Variants in HIVEP1 observed in about 807,000 individuals in gnomAD.
The protein encoded by HIVEP1 is zinc finger protein 40.
Under a neutral mutation model 180.0 loss-of-function variants are expected in HIVEP1, and 36 were observed. The observed-to-expected ratio is 0.20, with a 90% CI of 0.15 to 0.26. HIVEP1 has a LOEUF of 0.26. HIVEP1 is among the 10% of genes least tolerant of loss of function. The probability of loss-of-function intolerance (pLI) is 1.00; values close to 1 mark genes in which losing one functional copy is unlikely to be tolerated. For synonymous variants in HIVEP1, 1,239 were observed against 1,239.0 expected (o/e 1.00, Z 0.00); for missense variants, 3,143 against 3,268.7 (o/e 0.96, Z 0.94).
intron 2 of HIVEP1, among the ~76,000 whole-genome samples, chr6:12,055,193 C>T (rs1770779325): frequency 6.6e-6 from 1 of 152,156 alleles, no homozygotes; most frequent in Admixed American, 6.5e-5. Flanking sequence ...CAGTTAAAAT[C>T]ATGATTTTCA....
At position 12,124,590 on chromosome 6, in the gene HIVEP1, G is replaced by C; in HGVS notation, c.4795G>C (p.Ala1599Pro). The C allele has an allele frequency of 6.2e-7, 1 of 1,614,080 alleles. No homozygotes were observed. ...PVGTDHCVTS[A>P]TLPTKLIDSM... ...TGGAACAGATCATTGTGTGACATCA[G>C]CAACATTACCAACCAAATTAATTGA... The change falls in exon 4 of 9, where the codon GCA becomes CCA. Residue 1599 changes from alanine (A) to proline (P), a missense_variant. Physicochemically the swap from Ala to Pro is conservative, Grantham distance 27 (BLOSUM62 -1). This residue lies in a region of HIVEP1 where 1,357 missense variants were observed against 1,260.5 expected (regional missense o/e 1.08). Coordinates refer to ENST00000379388, the MANE Select transcript of HIVEP1 (RefSeq NM_002114.4).
At chr6:12,168,327 T>A (rs1353523397), downstream of HIVEP1, among the ~76,000 whole-genome samples, 39 of 31,560 alleles carry the variant, frequency 1.2e-3, no homozygotes, top group South Asian at 3.9e-3. Flanking sequence ...TACATATATA[T>A]TATATAATTA....
At chr6:12,048,064 C>G (rs1267403982) in intron 2 of HIVEP1, among the ~76,000 whole-genome samples, 1 of 152,220 alleles carries the variant, frequency 6.6e-6, no homozygotes, top group Non-Finnish European at 1.5e-5. Flanking sequence ...CTGGACTCTT[C>G]TGTTTTTCAC....
chr6:12,191,187 G>A, the HIVEP1 span, among the ~76,000 whole-genome samples: 2 of 152,166 alleles, frequency 1.3e-5, no homozygotes, highest in East Asian at 3.8e-4. Flanking sequence ...AGTAAACTAA[G>A]AGGTAAGCTA....
rs868438390 is a variant in HIVEP1 at position 12,161,789 on chromosome 6, C to T, written c.6838C>T (p.Arg2280Cys). ...KTLSPGKARQ[R>C]AARDENDTIP... ...ACTCTCTCCGGGGAAGGCCAGGCAG[C>T]GTGCTGCGAGAGATGAAAACGACAC... is the stretch of plus-strand genomic sequence containing the variant. The change falls in exon 8 of 9, where the codon CGT becomes TGT. Residue 2280 changes from arginine to cysteine, a missense_variant. This residue lies in a region of HIVEP1 where 595 missense variants were observed against 602.2 expected (regional missense o/e 0.99). Coordinates refer to ENST00000379388, the MANE Select transcript of HIVEP1 (RefSeq NM_002114.4). 5.0e-6 allele frequency: 8 copies of T among 1,614,034 alleles called. 1 individual carries two copies. The Admixed American group carries it at 5.0e-5, about 10-fold the overall frequency.
At chr6:12,149,876 C>G (rs1759597941) in intron 7 of HIVEP1, among the ~76,000 whole-genome samples, 1 of 152,050 alleles carries the variant, frequency 6.6e-6, no homozygotes, top group Admixed American at 6.6e-5. Context: ...GGCCACAGAC[C>G]CCTTCTGAAT....
chr6:12,014,080 A>T (rs542734210), intron 1 of HIVEP1, among the ~76,000 whole-genome samples: 30 of 152,048 alleles, frequency 2.0e-4, no homozygotes, highest in Admixed American at 2.0e-4. Context: ...TACAATGTTT[A>T]GTTTAGTCCT....
chr6:12,108,729 T>C (rs1219648220), intron 3 of HIVEP1, among the ~76,000 whole-genome samples: 13 of 152,260 alleles, frequency 8.5e-5, no homozygotes, highest in South Asian at 4.1e-4. Context: ...CCAGCTGGCC[T>C]GCAAGCGCCG....
intron 3 of HIVEP1, among the ~76,000 whole-genome samples, chr6:12,114,648 A>G (rs1490830036): frequency 6.6e-6 from 1 of 152,370 alleles, no homozygotes; most frequent in Non-Finnish European, 1.5e-5. Flanking sequence ...TTAATGTATC[A>G]TAATTTTCAT....
intron 2 of HIVEP1, among the ~76,000 whole-genome samples, chr6:12,060,154 C>G (rs1771133516): frequency 6.6e-6 from 1 of 152,148 alleles, no homozygotes; most frequent in Non-Finnish European, 1.5e-5. Context: ...TAACCACTTA[C>G]AGAATTTGAT....
rs375927274 is a variant in HIVEP1 at position 12,122,268 on chromosome 6, C to A, written c.2473C>A (p.Leu825Ile). 25 of 1,614,084 alleles carry A rather than the reference C, an allele frequency of 1.5e-5. No individual in the cohort carries two copies. The highest frequency in any genetic ancestry group is 2.0e-5 in the Non-Finnish European group (24 of 1,180,008). The change falls in exon 4 of 9, where the codon CTT becomes ATT. Residue 825 changes from leucine (L) to isoleucine (I), a missense_variant. Around this residue, in one of 12 missense-constraint regions of HIVEP1, gnomAD observed 204 missense variants for 243.7 expected, o/e 0.84. Transcript: ENST00000379388. ...TPTEKSKQVF[L>I]LSVPSLDCLP... ...TACTGAAAAATCAAAGCAAGTGTTT[C>A]TTCTGTCTGTACCTTCACTTGACTG...
chr6:12,112,721 C>G (rs1310447947), intron 3 of HIVEP1, among the ~76,000 whole-genome samples: 1 of 152,264 alleles, frequency 6.6e-6, no homozygotes, highest in East Asian at 1.9e-4. Flanking sequence ...GCTGCTTCCC[C>G]CACAGGGCTG....
rs912717170 is a variant in HIVEP1, at chr6:12,012,583, G to A, written c.-104+17G>A. ...TGGCAGCAGGTTCGGCGCGGGCTCC[G>A]CGGCGGGGGCGCTGCAGCTGGGGAG... On this transcript the variant is annotated intron_variant, in intron 1 of 8. Coordinates refer to ENST00000379388, the MANE Select transcript of HIVEP1 (RefSeq NM_002114.4). 2.0e-5 allele frequency: 3 copies of A among 148,900 alleles called. No homozygotes were observed. Among genetic ancestry groups the A allele is most frequent in the African/African-American group, 4.9e-5 (2 of 40,786 alleles). The allele number at this position is 148,900 out of a possible 1,614,324, so 9.2% of individuals were successfully genotyped here.
chr6:12,056,094 A>T (rs1440420236), intron 2 of HIVEP1, among the ~76,000 whole-genome samples: 1 of 152,130 alleles, frequency 6.6e-6, no homozygotes, highest in Non-Finnish European at 1.5e-5. Context: ...GATCTGGTAA[A>T]AGGCTGGAAT....
At chr6:12,043,646 C>T (rs1769926827) in intron 2 of HIVEP1, among the ~76,000 whole-genome samples, 2 of 152,120 alleles carry the variant, frequency 1.3e-5, no homozygotes, top group South Asian at 2.1e-4. Flanking sequence ...GGATTACAGG[C>T]GTGAGGCACC....
intron 2 of HIVEP1, among the ~76,000 whole-genome samples, chr6:12,029,919 T>A (rs1768830103): frequency 6.6e-6 from 1 of 152,234 alleles, no homozygotes; most frequent in Non-Finnish European, 1.5e-5. Context: ...ATTCAGGTTA[T>A]CATCCTGTAC....
At chr6:12,161,955 AT>A in intron 8 of HIVEP1, 26 bp downstream of exon 8, 1 of 1,567,848 alleles carries the variant, frequency 6.4e-7, no homozygotes, top group Non-Finnish European at 8.6e-7. Flanking sequence ...TTGTTCTTTT[AT>A]TTCTTTTTTC....
downstream of HIVEP1, among the ~76,000 whole-genome samples, chr6:12,167,447 T>TA (rs976520752): frequency 6.6e-6 from 1 of 150,916 alleles, no homozygotes; most frequent in African/African-American, 2.4e-5. Context: ...TATATCACCT[T>TA]AAGAATCTTC....
intron 2 of HIVEP1, 73 bp downstream of exon 2, chr6:12,015,741 A>G: frequency 1.4e-6 from 2 of 1,402,682 alleles, no homozygotes; most frequent in Non-Finnish European, 2.0e-6. Context: ...GGTGACAGGA[A>G]TGGCCGTTTG....
Sources: gnomAD v4.1 joint callset for allele counts (sites outside exome capture counted in the v4.1 genomes callset) on GRCh38, gnomAD v4.1.1 for gene constraint, gnomAD v4.1.1 regional missense constraint, MANE v1.5 for transcripts, NCBI Gene and HGNC (gene_info 2026-07-23, HGNC 2026-07-21) for gene names.